Variants in SBNO1 observed in about 807,000 individuals in gnomAD.
SBNO1 encodes the protein strawberry notch homolog 1, also known as protein strawberry notch homolog 1.
In SBNO1, 23 loss-of-function variants were observed where a neutral mutation model predicts 173.6. The observed-to-expected ratio is 0.13, with a 90% CI of 0.10 to 0.19. The LOEUF is 0.19. Among genes scored for constraint, SBNO1 ranks in the 10% least tolerant of loss-of-function variants. SBNO1 has a pLI of 1.00. For missense variants in SBNO1, 1,238 were observed against 1,671.2 expected, an observed-to-expected ratio of 0.74 and a Z score of 4.52; for synonymous variants, 632 against 571.5, an observed-to-expected ratio of 1.11 and a Z score of -1.51.
chr12:123,331,217 C>T, intron 8 of SBNO1, 25 bp downstream of exon 8: 1 of 1,611,798 alleles, frequency 6.2e-7, no homozygotes, highest in Non-Finnish European at 8.5e-7. Context: ...TGCGCCTGGC[C>T]CACAGCCAGT....
At chr12:123,351,294 T>C (rs1873848359) in intron 1 of SBNO1, among the ~76,000 whole-genome samples, 1 of 152,098 alleles carries the variant, frequency 6.6e-6, no homozygotes, top group Admixed American at 6.6e-5. Context: ...CAGGGATTAC[T>C]AACAAGTTTT....
At chr12:123,315,026 A>G (rs570597611) in intron 23 of SBNO1, among the ~76,000 whole-genome samples, 80 of 152,176 alleles carry the variant, frequency 5.3e-4, no homozygotes, top group African/African-American at 1.9e-3. Context: ...TACAGACATG[A>G]GCCACAGCGC....
intron 2 of SBNO1, among the ~76,000 whole-genome samples, chr12:123,348,624 A>G (rs1873502950): frequency 1.3e-5 from 2 of 152,062 alleles, no homozygotes; most frequent in Middle Eastern, 3.4e-3. Context: ...AAATTCACCG[A>G]GTGTGGTGGT....
chr12:123,357,839 C>G (rs906246100), intron 1 of SBNO1, among the ~76,000 whole-genome samples: 5 of 152,136 alleles, frequency 3.3e-5, no homozygotes, highest in Non-Finnish European at 5.9e-5. Flanking sequence ...GTAAAGTAAC[C>G]CCCACTGCAA....
chr12:123,313,356 A>C (rs949284212), intron 24 of SBNO1, among the ~76,000 whole-genome samples: 19 of 152,056 alleles, frequency 1.2e-4, no homozygotes, highest in Admixed American at 9.2e-4. Context: ...CAATGTACTA[A>C]AACAACTTTC....
chr12:123,336,043 C>T (rs1161176165), intron 6 of SBNO1, among the ~76,000 whole-genome samples: 3 of 151,924 alleles, frequency 2.0e-5, no homozygotes, highest in Admixed American at 6.6e-5. Context: ...ACCTAATTTT[C>T]GACTTCATAC....
chr12:123,293,113 A>G lies in SBNO1; in HGVS notation c.*2795T>C, dbSNP rs1180401171. On this transcript the variant is annotated 3_prime_UTR_variant, in exon 32 of 32. Coordinates refer to ENST00000602398, the MANE Select transcript of SBNO1 (RefSeq NM_001167856.3). ...GCTCAGAGCCATATTGCTAAAAAGA[A>G]AAAGGCATTGCAGAGGCAAAGTGGA... 1 of 152,250 alleles carries G rather than the reference A, an allele frequency of 6.6e-6. No individual in the cohort carries two copies. Among genetic ancestry groups the G allele is most frequent in the African/African-American group, 2.4e-5 (1 of 41,470 alleles). The allele number at this position is 152,250 out of a possible 1,614,324, so 9.4% of individuals were successfully genotyped here. A position where few individuals can be genotyped will look rare whatever the true frequency, so the allele number is the denominator to read the frequency against.
intron 1 of SBNO1, among the ~76,000 whole-genome samples, chr12:123,362,674 CAGG>C (rs1400611562): frequency 6.9e-6 from 1 of 145,208 alleles, no homozygotes; most frequent in Non-Finnish European, 1.5e-5. Context: ...GAGACTGAGG[CAGG>C]AGAATTGTTT....
intron 3 of SBNO1, 123 bp from the exon 4 acceptor site, chr12:123,345,693 TC>T (rs1160789695): frequency 6.2e-5 from 51 of 826,286 alleles, no homozygotes; most frequent in African/African-American, 5.7e-4. Flanking sequence ...TTTTTTTTTT[TC>T]TTTGAAGCAG....
In SBNO1 at chr12:123,304,690, T is replaced by C; in HGVS notation, c.3660A>G (p.Leu1220=). Residue 1220 remains leucine, a synonymous_variant, in exon 29 of 32, where the codon TTA becomes TTG. Coordinates refer to ENST00000602398, the MANE Select transcript of SBNO1 (RefSeq NM_001167856.3). ...TCTTTTTAGGATTCACTTCTTTAAC[T>C]AAGATGGCAGTTTTCTTGTTGTTCC... The part of the protein sequence containing the change: ...QIRNNKKTAI[L]VKEVNPKKKL... The C allele has an allele frequency of 2.6e-6, 4 of 1,542,888 alleles. No individual in the cohort carries two copies. The highest frequency in any genetic ancestry group is 3.6e-6 in the Non-Finnish European group (4 of 1,120,548).
rs1250032941 is a variant in SBNO1, at chr12:123,294,642, AAAAAAAAAAAAAAAAAAAAG to A, written c.*1246_*1265del. 6.4e-6 allele frequency: 1 copy of A among 155,460 alleles called. No homozygotes were observed. Among genetic ancestry groups the A allele is most frequent in the African/African-American group, 2.6e-5 (1 of 38,988 alleles). 9.6% of individuals were successfully genotyped at this position (155,460 alleles called of 1,614,324 possible). A position where few individuals can be genotyped will look rare whatever the true frequency, so the allele number is the denominator to read the frequency against. On this transcript the variant is annotated 3_prime_UTR_variant, in exon 32 of 32. Transcript: ENST00000602398. The stretch of plus-strand genomic sequence containing the variant: ...AGTGCAACCTGTGGAAGCAAAAAAA[AAAAAAAAAAAAAAAAAAAAG>A]AAAAAAAGAAAAGAAAGAAAAAGAA...
At chr12:123,325,263 T>C (rs1870488712) in intron 15 of SBNO1, among the ~76,000 whole-genome samples, 1 of 152,238 alleles carries the variant, frequency 6.6e-6, no homozygotes, top group South Asian at 2.1e-4. Flanking sequence ...CTAGCCCTTC[T>C]GTTAGTTCAC....
At chr12:123,347,230 G>C (rs116439324) in intron 3 of SBNO1, among the ~76,000 whole-genome samples, 52 of 151,488 alleles carry the variant, frequency 3.4e-4, no homozygotes, top group Non-Finnish European at 6.8e-4. Flanking sequence ...ATGCTTTTTT[G>C]TTGTTGTTGT....
intron 11 of SBNO1, 29 bp downstream of exon 11, chr12:123,327,863 T>C: frequency 6.3e-7 from 1 of 1,580,538 alleles, no homozygotes; most frequent in East Asian, 2.4e-5. Flanking sequence ...TAACCTACAA[T>C]ATATATTTTT....
rs2138856766 is a variant in SBNO1, at chr12:123,295,233, C to A, written c.*675G>T. 1 of 152,212 alleles carries A rather than the reference C, an allele frequency of 6.6e-6. No homozygotes were observed. Among genetic ancestry groups the A allele is most frequent in the Non-Finnish European group, 1.5e-5 (1 of 68,006 alleles). The allele number at this position is 152,212 out of a possible 1,614,324, so 9.4% of individuals were successfully genotyped here. A position where few individuals can be genotyped will look rare whatever the true frequency, so the allele number is the denominator to read the frequency against. Reference sequence around the variant, plus strand: ...GGGGTCTGCAGGGTTTGAAGCAATACCCAGGTATAAACACTATAAAAATGC... The same window carrying A: ...GGGGTCTGCAGGGTTTGAAGCAATAACCAGGTATAAACACTATAAAAATGC... On this transcript the variant is annotated 3_prime_UTR_variant, in exon 32 of 32. Transcript: ENST00000602398.
Position 123,319,885 on chromosome 12 carries a change from C to T in SBNO1, c.2799+15G>A, listed in dbSNP as rs767609216. On this transcript the variant is annotated intron_variant, in intron 20 of 31. Transcript: ENST00000602398. ...CATTGTTCTTTTCACTGAGAAGCAT[C>T]TCAGTAAAACATACCTTATCTCCAT... 1.9e-6 allele frequency: 3 copies of T among 1,611,570 alleles called. No homozygotes were observed. In the South Asian group the frequency reaches 3.3e-5, roughly 18 times the overall value.
At chr12:123,329,472 A>T (rs1339120552) in intron 9 of SBNO1, among the ~76,000 whole-genome samples, 1 of 152,022 alleles carries the variant, frequency 6.6e-6, no homozygotes, top group Admixed American at 6.6e-5. Context: ...CTATAAGAAT[A>T]AAAAGTCACA....
At chr12:123,304,392 C>T in intron 29 of SBNO1, 190 bp downstream of exon 29, 1 of 438,316 alleles carries the variant, frequency 2.3e-6, no homozygotes. Context: ...GCATCACCAT[C>T]CTGGGATAAT....
At position 123,336,480 on chromosome 12, in the gene SBNO1, A is replaced by C; in HGVS notation, c.663T>G (p.Val221=). The C allele has an allele frequency of 6.2e-7, 1 of 1,610,470 alleles. No homozygotes were observed. The change falls in exon 6 of 32, where the codon GTT becomes GTG. Residue 221 remains valine (V), a synonymous_variant. Coordinates refer to ENST00000602398, the MANE Select transcript of SBNO1 (RefSeq NM_001167856.3). ...RSFSPTMKVP[V]VKEDDEPEEE... is the part of the protein sequence containing the mutation. ...CCTCTGGTTCATCATCTTCTTTTAC[A>C]ACAGGAACCTTCTGCAACACAGAAA... is the stretch of plus-strand genomic sequence containing the variant.
Sources: allele counts gnomAD v4.1 joint callset (sites outside exome capture counted in the v4.1 genomes callset), GRCh38; gene constraint gnomAD v4.1.1; transcripts MANE v1.5; gene names NCBI Gene and HGNC (gene_info 2026-07-23, HGNC 2026-07-21).